Variants in REXO1 observed in about 807,000 individuals in gnomAD.
REXO1 encodes the protein REX1, RNA exonuclease 1 homolog.
REXO1 carries 42 observed loss-of-function variants against 102.6 expected under a neutral mutation model. That is an observed-to-expected ratio of 0.41 (90% CI 0.32 to 0.53). The LOEUF is 0.53. Ranked by LOEUF, REXO1 falls within the 20% of genes least tolerant of loss-of-function variation. The pLI is 0.27. For missense variants in REXO1, 1,819 were observed against 1,732.5 expected, an observed-to-expected ratio of 1.05 and a Z score of -0.89; for synonymous variants, 908 against 779.1, an observed-to-expected ratio of 1.17 and a Z score of -2.76.
At chr19:1,838,055 C>G (rs575942107) in intron 1 of REXO1, among the ~76,000 whole-genome samples, 1 of 152,306 alleles carries the variant, frequency 6.6e-6, no homozygotes, top group Admixed American at 6.5e-5. Flanking sequence ...CGGCTCTAAT[C>G]CCCGCGCTCT....
At chr19:1,818,979 C>T (rs1238546434) in intron 8 of REXO1, 39 bp downstream of exon 8, 25 of 1,577,508 alleles carry the variant, frequency 1.6e-5, no homozygotes, top group Non-Finnish European at 2.1e-5. Flanking sequence ...GGCAGAGGCC[C>T]ACGAAGCACC....
At chr19:1,835,262 G>A (rs1415647523) in intron 1 of REXO1, among the ~76,000 whole-genome samples, 1 of 152,156 alleles carries the variant, frequency 6.6e-6, no homozygotes, top group East Asian at 1.9e-4. Context: ...GCCGAGTTTG[G>A]GCCAGGCGTG....
intron 12 of REXO1, 58 bp downstream of exon 12, chr19:1,817,161 G>A (rs1305296545): frequency 1.9e-5 from 17 of 901,902 alleles, no homozygotes; most frequent in South Asian, 3.2e-5. Flanking sequence ...TGGGGCGGCC[G>A]CACCAGGCCA....
Position 1,821,648 on chromosome 19 carries a change from G to A in REXO1, c.2265C>T (p.Ser755=), listed in dbSNP as rs370043746. Residue 755 remains serine (S), a synonymous_variant, in exon 5 of 16, where the codon AGC becomes AGT. Transcript: ENST00000170168. ...PTGAKRTLAA[S]GSQSSNGPEP... ...CAGGGCCGTTGGAGGACTGGCTGCC[G>A]CTGGCCGCAAGGGTCCTCTTGGCAC... 124 of 1,613,022 alleles carry A rather than the reference G, an allele frequency of 7.7e-5. No homozygotes were observed. Among genetic ancestry groups the A allele is most frequent in the Non-Finnish European group, 9.7e-5 (114 of 1,179,786 alleles).
Position 1,816,205 on chromosome 19 carries a change from G to T in REXO1, c.3577+20C>A. 3 of 1,574,310 alleles carry T rather than the reference G, an allele frequency of 1.9e-6. No homozygotes were observed. The highest frequency in any genetic ancestry group is 4.7e-5 in the East Asian group (2 of 42,962). On this transcript the variant is annotated intron_variant, in intron 15 of 15. Transcript: ENST00000170168. The stretch of plus-strand genomic sequence containing the variant: ...CGGCCCCTGCGCAGGGACGGCCCCA[G>T]GGCAGGCACCGGCACTCACCATTGT...
At position 1,828,122 on chromosome 19, in the gene REXO1, C is replaced by T; in HGVS notation, c.667G>A (p.Val223Met). The change falls in exon 2 of 16, where the codon GTG (valine) becomes ATG (methionine). Residue 223 changes from valine to methionine, a missense_variant. Coordinates refer to ENST00000170168, the MANE Select transcript of REXO1 (RefSeq NM_020695.4). Reference protein sequence around the residue: ...SRPVPSGKYVVDNSRPPTDLE... With the variant: ...SRPVPSGKYVMDNSRPPTDLE... ...TCTGTGGGTGGCCTGGAGTTGTCCA[C>T]CACGTACTTGCCACTGGGAACGGGG... The T allele has an allele frequency of 1.9e-6, 3 of 1,612,838 alleles. No individual in the cohort carries two copies. Among genetic ancestry groups the T allele is most frequent in the South Asian group, 1.1e-5 (1 of 91,006 alleles).
At chr19:1,845,828 G>A (rs1434462625) in intron 1 of REXO1, among the ~76,000 whole-genome samples, 1 of 152,114 alleles carries the variant, frequency 6.6e-6, no homozygotes, top group Non-Finnish European at 1.5e-5. Flanking sequence ...TCGCAGCTCC[G>A]CCAAGCCTCC....
At position 1,820,750 on chromosome 19, in the gene REXO1, T is replaced by C. The variant is rs190814568; in HGVS notation, c.2395-355A>G. Among the ~76,000 whole-genome samples the C allele has an allele frequency of 3.8e-3, 572 of 152,058 alleles. 2 individuals are homozygous for C. The highest frequency in any genetic ancestry group is 0.014 in the Middle Eastern group (4 of 292). Reference sequence around the variant, plus strand: ...GCTCACGCCTATAATCCCAGCACTTTGGGAGGCTGAGGCAGGAGGATCACT... The same window carrying C: ...GCTCACGCCTATAATCCCAGCACTTCGGGAGGCTGAGGCAGGAGGATCACT... On this transcript the variant is annotated intron_variant, in intron 5 of 15. Transcript: ENST00000170168.
intron 12 of REXO1, 42 bp downstream of exon 12, chr19:1,817,177 T>C: frequency 6.2e-7 from 1 of 1,600,850 alleles, no homozygotes. Context: ...GGCCAGGTCC[T>C]CCCCAATCCT....
intron 13 of REXO1, 56 bp downstream of exon 13, chr19:1,816,634 AGGGTGGGT>A: frequency 1.6e-4 from 35 of 214,420 alleles, no homozygotes; most frequent in Non-Finnish European, 2.9e-4. Flanking sequence ...GGGGCGGGGG[AGGGTGGGT>A]CCCTGGGGAG....
intron 1 of REXO1, among the ~76,000 whole-genome samples, chr19:1,847,181 C>G (rs2011581087): frequency 6.6e-6 from 1 of 152,196 alleles, no homozygotes; most frequent in South Asian, 2.1e-4. Flanking sequence ...TGCAAACAAC[C>G]GCCCACAGGT....
intron 3 of REXO1, 59 bp from the exon 4 acceptor site, chr19:1,823,844 C>A (rs2069624957): frequency 2.4e-6 from 2 of 827,904 alleles, no homozygotes; most frequent in Non-Finnish European, 3.2e-6. Flanking sequence ...GAGCAGGCGA[C>A]CCCGGGCAGG....
chr19:1,841,448 C>T (rs865820987), intron 1 of REXO1, among the ~76,000 whole-genome samples: 3 of 152,182 alleles, frequency 2.0e-5, no homozygotes, highest in Admixed American at 6.5e-5. Flanking sequence ...ACAGCCCGCA[C>T]GACGCTTCCC....
At chr19:1,818,993 T>G in intron 8 of REXO1, 25 bp downstream of exon 8, 2 of 1,586,366 alleles carry the variant, frequency 1.3e-6, no homozygotes. Flanking sequence ...AAGCACCGTG[T>G]GGCAGAGCAG....
chr19:1,820,808 C>T (rs1215607048), intron 5 of REXO1, among the ~76,000 whole-genome samples: 2 of 150,930 alleles, frequency 1.3e-5, no homozygotes, highest in South Asian at 2.1e-4. Flanking sequence ...GCCTGGACAA[C>T]GTGGCAAAAC....
In REXO1 at chr19:1,815,829, T is replaced by G; in HGVS notation, c.*237A>C. ...CTGTCCTGGTCTCCATCAGCAGCAG[T>G]TTCTAGAGACGCCAGAGGGCTGGGG... On this transcript the variant is annotated 3_prime_UTR_variant, in exon 16 of 16. Coordinates refer to ENST00000170168, the MANE Select transcript of REXO1 (RefSeq NM_020695.4). The surrounding 1 kb of genome is among the most constrained non-coding windows in gnomAD (Gnocchi z 4.0). 1 of 1,502,830 alleles carries G rather than the reference T, an allele frequency of 6.7e-7. No homozygotes were observed. The highest frequency in any genetic ancestry group is 8.9e-7 in the Non-Finnish European group (1 of 1,128,114). The allele number at this position is 1,502,830 out of a possible 1,614,324, so 93.1% of individuals were successfully genotyped here.
chr19:1,845,815 C>G (rs1368357714), intron 1 of REXO1, among the ~76,000 whole-genome samples: 1 of 152,174 alleles, frequency 6.6e-6, no homozygotes, highest in Non-Finnish European at 1.5e-5. Flanking sequence ...CTTCCTGTTC[C>G]CGTCGCAGCT....
chr19:1,841,104 T>C (rs891049794), intron 1 of REXO1, among the ~76,000 whole-genome samples: 1 of 152,058 alleles, frequency 6.6e-6, no homozygotes, highest in African/African-American at 2.4e-5. Flanking sequence ...CCTCCAAGGG[T>C]CCCAGAGGAC....
At chr19:1,825,997 C>T in intron 2 of REXO1, 54 bp from the exon 3 acceptor site, 1 of 1,327,236 alleles carries the variant, frequency 7.5e-7, no homozygotes, top group Admixed American at 1.7e-5. Context: ...CCAACACCAA[C>T]ACACCCCAAC....
Sources: allele counts gnomAD v4.1 joint callset (sites outside exome capture counted in the v4.1 genomes callset), GRCh38; gene constraint gnomAD v4.1.1; non-coding constraint Gnocchi (gnomAD v3.1); transcripts MANE v1.5; gene names NCBI Gene and HGNC (gene_info 2026-07-23, HGNC 2026-07-21).